Variants in BRINP3 observed in about 807,000 individuals in gnomAD.
BRINP3 encodes BMP/retinoic acid-inducible neural-specific protein 3.
A neutral mutation model predicts 71.0 loss-of-function variants in BRINP3; 19 were observed. That is an observed-to-expected ratio of 0.27 (90% confidence interval 0.19 to 0.39). The LOEUF is 0.39. Among genes scored for constraint, BRINP3 ranks in the 10% least tolerant of loss-of-function variants. BRINP3 has a pLI of 1.00. For missense variants in BRINP3, 959 were observed against 940.8 expected, an observed-to-expected ratio of 1.02 and a Z score of -0.25; for synonymous variants, 380 against 337.7, an observed-to-expected ratio of 1.13 and a Z score of -1.37.
At chr1:190,323,585 C>T (rs1246744242) in intron 2 of BRINP3, among the ~76,000 whole-genome samples, 1 of 147,284 alleles carries the variant, frequency 6.8e-6, no homozygotes, top group Admixed American at 6.8e-5. Flanking sequence ...CAGAAACATG[C>T]TTAAGAAAAT....
intron 4 of BRINP3, among the ~76,000 whole-genome samples, chr1:190,240,803 C>T (rs12048560): frequency 4.9e-5 from 6 of 122,304 alleles, no homozygotes; most frequent in South Asian, 2.9e-4. Context: ...ACCTGGGAGG[C>T]GGAGATTGCA....
At chr1:190,301,194 T>TAC (rs1571682479) in intron 2 of BRINP3, among the ~76,000 whole-genome samples, 2 of 59,372 alleles carry the variant, frequency 3.4e-5, no homozygotes, top group Admixed American at 2.9e-4. Context: ...TATGTATATA[T>TAC]ATACACATAC....
chr1:190,247,088 G>A (rs377346511), intron 4 of BRINP3, among the ~76,000 whole-genome samples: 9 of 151,710 alleles, frequency 5.9e-5, no homozygotes, highest in African/African-American at 2.2e-4. Flanking sequence ...ACAAATAACC[G>A]TATTATACAT....
intron 2 of BRINP3, among the ~76,000 whole-genome samples, chr1:190,293,933 G>A (rs767373169): frequency 3.3e-5 from 5 of 151,850 alleles, no homozygotes; most frequent in Non-Finnish European, 7.4e-5. Flanking sequence ...TGGATTGTTT[G>A]TAGGCACCAT....
At chr1:190,309,665 C>A (rs1665380912) in intron 2 of BRINP3, among the ~76,000 whole-genome samples, 1 of 151,642 alleles carries the variant, frequency 6.6e-6, no homozygotes, top group South Asian at 2.1e-4. Context: ...CTGGGTATGA[C>A]AATTTTGCTT....
At chr1:190,476,798 T>C (rs534981129) in intron 1 of BRINP3, among the ~76,000 whole-genome samples, 2 of 152,308 alleles carry the variant, frequency 1.3e-5, no homozygotes, top group South Asian at 4.1e-4. Context: ...ACAAATACTA[T>C]GCCTGAATTA....
chr1:190,292,720 C>G (rs1407052413), intron 2 of BRINP3, among the ~76,000 whole-genome samples: 2 of 151,974 alleles, frequency 1.3e-5, no homozygotes, highest in Non-Finnish European at 2.9e-5. Flanking sequence ...CTTCTTTAAT[C>G]TTTGTACTCA....
chr1:190,375,310 T>A (rs1670114129), intron 2 of BRINP3, among the ~76,000 whole-genome samples: 1 of 151,856 alleles, frequency 6.6e-6, no homozygotes, highest in Non-Finnish European at 1.5e-5. Flanking sequence ...TATGTGTGTA[T>A]GTGTGTATAT....
At chr1:190,151,819 T>G (rs896102187) in intron 7 of BRINP3, among the ~76,000 whole-genome samples, 1 of 152,078 alleles carries the variant, frequency 6.6e-6, no homozygotes, top group African/African-American at 2.4e-5. Context: ...ACAAGGTAAT[T>G]GCCAAATATT....
intron 5 of BRINP3, among the ~76,000 whole-genome samples, chr1:190,229,645 AACAC>A (rs71794093): frequency 0.15 from 19,880 of 133,390 alleles, 1,955 homozygotes; most frequent in African/African-American, 0.28. Flanking sequence ...AACAAAACAA[AACAC>A]ACACACACAC....
At chr1:190,285,874 A>C (rs2102949707) in intron 2 of BRINP3, among the ~76,000 whole-genome samples, 1 of 152,256 alleles carries the variant, frequency 6.6e-6, no homozygotes, top group East Asian at 1.9e-4. Context: ...ATTTTACCTA[A>C]GGCATCTCAG....
At chr1:190,187,828 T>G (rs1413033002) in intron 6 of BRINP3, among the ~76,000 whole-genome samples, 1 of 152,088 alleles carries the variant, frequency 6.6e-6, no homozygotes, top group Non-Finnish European at 1.5e-5. Context: ...TCTCCAGGTT[T>G]GTTCTATTTG....
rs746851050 is a variant in BRINP3 at position 190,277,113 on chromosome 1, A to ATATATATATATATATATATATATT, written c.427+4446_427+4447insAATATATATATATATATATATATA. Among the ~76,000 whole-genome samples, 618 of 107,146 alleles carry ATATATATATATATATATATATATT rather than the reference A, an allele frequency of 5.8e-3. 7 individuals are homozygous for ATATATATATATATATATATATATT. The highest frequency in any genetic ancestry group is 7.3e-3 in the African/African-American group (213 of 29,286). The allele number at this position is 107,146 out of a possible 152,430, so 70.3% of individuals were successfully genotyped here. On this transcript the variant is annotated intron_variant, in intron 3 of 7. Coordinates refer to ENST00000367462, the MANE Select transcript of BRINP3 (RefSeq NM_199051.3). ...TATATATATATATATATATATATAT[A>ATATATATATATATATATATATATT]TATATTTATATTCAGAAAAGAAAAC...
intron 2 of BRINP3, among the ~76,000 whole-genome samples, chr1:190,426,974 T>C (rs985037952): frequency 1.3e-5 from 2 of 151,792 alleles, no homozygotes; most frequent in African/African-American, 4.8e-5. Flanking sequence ...ATCAGAGTAA[T>C]CTCCACAGAT....
At chr1:190,252,411 T>C (rs1660231575) in intron 4 of BRINP3, among the ~76,000 whole-genome samples, 1 of 152,120 alleles carries the variant, frequency 6.6e-6, no homozygotes, top group Non-Finnish European at 1.5e-5. Flanking sequence ...CTGAGTTTTC[T>C]TTCTGCTTAT....
chr1:190,153,643 A>G (rs1333846063), intron 7 of BRINP3, among the ~76,000 whole-genome samples: 1 of 152,226 alleles, frequency 6.6e-6, no homozygotes, highest in Non-Finnish European at 1.5e-5. Context: ...GCTTTCAGCA[A>G]AAGTCCCTCA....
intron 5 of BRINP3, among the ~76,000 whole-genome samples, chr1:190,233,969 G>T (rs866601330): frequency 6.6e-6 from 1 of 151,934 alleles, no homozygotes; most frequent in African/African-American, 2.4e-5. Flanking sequence ...TGCCACATTA[G>T]GTTATATATA....
At chr1:190,328,887 T>G (rs752657721) in intron 2 of BRINP3, among the ~76,000 whole-genome samples, 30 of 152,050 alleles carry the variant, frequency 2.0e-4, no homozygotes, top group Non-Finnish European at 3.8e-4. Context: ...TCAGTAAATG[T>G]GATTCACCAC....
chr1:190,134,082 T>C (rs1654771104), intron 7 of BRINP3, among the ~76,000 whole-genome samples: 1 of 151,800 alleles, frequency 6.6e-6, no homozygotes, highest in Non-Finnish European at 1.5e-5. Flanking sequence ...AGTGAAATAA[T>C]AAATAAACAG....
Sources: allele counts gnomAD v4.1 joint callset (sites outside exome capture counted in the v4.1 genomes callset), GRCh38; gene constraint gnomAD v4.1.1; transcripts MANE v1.5; gene names NCBI Gene and HGNC (gene_info 2026-07-23, HGNC 2026-07-21).